Variants in VSTM4 observed in about 807,000 individuals in gnomAD.
VSTM4 encodes V-set and transmembrane domain containing 4.
A neutral mutation model predicts 36.4 loss-of-function variants in VSTM4; 20 were observed. The ratio of observed to expected loss-of-function variants is 0.55; its 90% CI spans 0.39 to 0.80. The LOEUF is 0.80. Ranked by LOEUF, VSTM4 falls within the 30% of genes least tolerant of loss-of-function variation. The pLI, the probability that VSTM4 is intolerant of heterozygous loss-of-function variation, is 0.00. For missense variants in VSTM4, 392 were observed against 404.5 expected (o/e 0.97, Z 0.26); for synonymous variants, 182 against 173.9 (o/e 1.05, Z -0.37).
chr10:49,095,617 TCTG>T (rs1024416963), intron 2 of VSTM4, among the ~76,000 whole-genome samples: 1 of 152,196 alleles, frequency 6.6e-6, no homozygotes, highest in African/African-American at 2.4e-5. Context: ...CCCAGGGCTG[TCTG>T]CTGAAGCTCT....
intron 7 of VSTM4, among the ~76,000 whole-genome samples, chr10:49,040,539 G>A (rs7897563): frequency 0.05 from 7,584 of 152,240 alleles, 216 homozygotes; most frequent in Middle Eastern, 0.12. Context: ...GCCTGCCTCG[G>A]CCTCCCAAAT....
chr10:49,071,750 T>G (rs535963044), intron 4 of VSTM4, among the ~76,000 whole-genome samples: 2 of 152,260 alleles, frequency 1.3e-5, no homozygotes, highest in African/African-American at 4.8e-5. Context: ...GGAGAGCAGG[T>G]GCCGGGCTCA....
At chr10:49,084,848 G>A (rs746424293) in intron 3 of VSTM4, among the ~76,000 whole-genome samples, 1 of 152,200 alleles carries the variant, frequency 6.6e-6, no homozygotes, top group African/African-American at 2.4e-5. Context: ...TCCAAGACAG[G>A]GTTTTCCAAC....
In VSTM4 at chr10:49,042,608, C is replaced by T. The variant is rs571932218; in HGVS notation, c.837+4375G>A. On this transcript the variant is annotated intron_variant, in intron 7 of 7. Transcript: ENST00000332853. ...AAGCTGTGTGACCTTGGGTACATCA[C>T]CCATCTCTCACTTTACTGACTCTCA... 2.0e-5 allele frequency among the ~76,000 whole-genome samples: 3 copies of T among 152,334 alleles called. No homozygotes were observed. In the South Asian group the frequency reaches 6.2e-4, roughly 32 times the overall value.
At chr10:49,098,685 C>T (rs1217150484) in intron 2 of VSTM4, among the ~76,000 whole-genome samples, 1 of 152,218 alleles carries the variant, frequency 6.6e-6, no homozygotes, top group Non-Finnish European at 1.5e-5. Context: ...ACATAAACCA[C>T]CAAGGACATC....
chr10:49,085,909 A>C lies in VSTM4; in HGVS notation c.526+46T>G, dbSNP rs78097647. On this transcript the variant is annotated intron_variant, in intron 3 of 7. Coordinates refer to ENST00000332853, the MANE Select transcript of VSTM4 (RefSeq NM_001031746.5). ...TATAATTTAAAAAAAAAGAAAAAGA[A>C]AAAGCAACTATAGAGCAATAAAAAA... The C allele has an allele frequency of 2.2e-3, 2,786 of 1,266,260 alleles. 60 individuals are homozygous for C. In the East Asian group the frequency reaches 0.044, roughly 20 times the overall value. 78.4% of individuals were successfully genotyped at this position (1,266,260 alleles called of 1,614,324 possible).
chr10:49,082,936 C>G (rs1005564547), intron 3 of VSTM4, among the ~76,000 whole-genome samples: 16 of 152,340 alleles, frequency 1.1e-4, no homozygotes, highest in Admixed American at 5.9e-4. Flanking sequence ...TGCATAATGT[C>G]AGCATGCCAG....
intron 2 of VSTM4, among the ~76,000 whole-genome samples, chr10:49,107,260 G>C (rs1186627046): frequency 6.6e-6 from 1 of 152,162 alleles, no homozygotes; most frequent in African/African-American, 2.4e-5. Flanking sequence ...TGACCCCTTT[G>C]ACCAGGGTCC....
chr10:49,082,870 T>A (rs1388326004), intron 3 of VSTM4, among the ~76,000 whole-genome samples: 1 of 152,230 alleles, frequency 6.6e-6, no homozygotes, highest in Non-Finnish European at 1.5e-5. Context: ...CTGAAGCAGA[T>A]GGCAGGGCTG....
chr10:49,044,582 A>G (rs1316954277), intron 7 of VSTM4, among the ~76,000 whole-genome samples: 1 of 139,464 alleles, frequency 7.2e-6, no homozygotes, highest in East Asian at 1.9e-4. Flanking sequence ...TAAAGAAAAG[A>G]AAAAGGAGGG....
chr10:49,061,045 T>C (rs901919882), intron 5 of VSTM4, among the ~76,000 whole-genome samples: 1 of 152,232 alleles, frequency 6.6e-6, no homozygotes, highest in African/African-American at 2.4e-5. Flanking sequence ...AATACTTCAG[T>C]GTCTCCATTA....
At chr10:49,046,616 C>T (rs1843615082) in intron 7 of VSTM4, among the ~76,000 whole-genome samples, 1 of 152,168 alleles carries the variant, frequency 6.6e-6, no homozygotes, top group Non-Finnish European at 1.5e-5. Context: ...TAAAATTGTT[C>T]AAAATCAAAA....
intron 7 of VSTM4, among the ~76,000 whole-genome samples, chr10:49,038,983 C>T (rs1006073948): frequency 1.3e-5 from 2 of 152,110 alleles, no homozygotes; most frequent in Non-Finnish European, 2.9e-5. Context: ...CTCAGGACCA[C>T]CTGCAAGTAC....
chr10:49,057,766 C>T (rs975397279), intron 5 of VSTM4, among the ~76,000 whole-genome samples: 2 of 152,198 alleles, frequency 1.3e-5, no homozygotes, highest in Non-Finnish European at 1.5e-5. Context: ...ATCCTCACCA[C>T]CTTGCTTGCT....
intron 7 of VSTM4, among the ~76,000 whole-genome samples, chr10:49,030,633 T>A (rs186371319): frequency 6.6e-6 from 1 of 152,188 alleles, no homozygotes; most frequent in Non-Finnish European, 1.5e-5. Context: ...TCAGAAATCA[T>A]GAGCAGAGCA....
rs759465324 is a variant in VSTM4, at chr10:49,019,716, C to A, written c.897G>T (p.Arg299=). ...TGCTGGTGGGGGCGCCTTTGGCAGC[C>A]CGGTGGGGTTTGATCAGCTCCAGTT... ...YAELELIKPH[R]AAKGAPTSTV... is the part of the protein sequence containing the mutation. Residue 299 remains arginine, a synonymous_variant, in exon 8 of 8, where the codon CGG becomes CGT. Coordinates refer to ENST00000332853, the MANE Select transcript of VSTM4 (RefSeq NM_001031746.5). 5 of 1,613,932 alleles carry A rather than the reference C, an allele frequency of 3.1e-6. No individual in the cohort carries two copies. The highest frequency in any genetic ancestry group is 4.2e-6 in the Non-Finnish European group (5 of 1,179,950).
At chr10:49,089,693 C>T (rs977862852) in intron 2 of VSTM4, among the ~76,000 whole-genome samples, 2 of 152,214 alleles carry the variant, frequency 1.3e-5, no homozygotes, top group East Asian at 1.9e-4. Flanking sequence ...AACACCAGTC[C>T]TAATCTTACT....
chr10:49,056,570 C>T (rs1843783515), intron 5 of VSTM4, among the ~76,000 whole-genome samples: 1 of 152,232 alleles, frequency 6.6e-6, no homozygotes, highest in Non-Finnish European at 1.5e-5. Context: ...GGGCTGACCC[C>T]TGCTGGCACC....
At chr10:49,066,165 T>C (rs1843969703) in intron 4 of VSTM4, among the ~76,000 whole-genome samples, 1 of 152,266 alleles carries the variant, frequency 6.6e-6, no homozygotes, top group Non-Finnish European at 1.5e-5. Flanking sequence ...AGAACATGCC[T>C]GAGGTCTGGC....
Sources: allele counts gnomAD v4.1 joint callset (sites outside exome capture counted in the v4.1 genomes callset), GRCh38; gene constraint gnomAD v4.1.1; transcripts MANE v1.5; gene names NCBI Gene and HGNC (gene_info 2026-07-23, HGNC 2026-07-21).